The following UBE2H variants were observed in gnomAD, a reference collection of about 807,000 sequenced individuals.
UBE2H encodes the protein ubiquitin conjugating enzyme E2 H.
UBE2H carries 3 observed loss-of-function variants against 29.0 expected under a neutral mutation model. That is an observed-to-expected ratio of 0.10 (90% CI 0.05 to 0.27). The LOEUF is 0.27. Among genes scored for constraint, UBE2H ranks in the 10% least tolerant of loss-of-function variants. The pLI, the probability that UBE2H is intolerant of heterozygous loss-of-function variation, is 1.00. For synonymous variants in UBE2H, 69 were observed against 82.9 expected, an observed-to-expected ratio of 0.83 and a Z score of 0.91; for missense variants, 68 against 228.2, an observed-to-expected ratio of 0.30 and a Z score of 4.52.
intron 5 of UBE2H, among the ~76,000 whole-genome samples, chr7:129,840,801 AAT>A (rs1805414988): frequency 6.6e-6 from 1 of 152,176 alleles, no homozygotes; most frequent in Non-Finnish European, 1.5e-5. Context: ...ACTACTCATT[AAT>A]TTAGTCAGCT....
chr7:129,891,899 G>GTGTA (rs1806498543), intron 1 of UBE2H, among the ~76,000 whole-genome samples: 1 of 149,276 alleles, frequency 6.7e-6, no homozygotes, highest in African/African-American at 2.5e-5. Context: ...GTGTGTGTGT[G>GTGTA]TGTTAGTTTT....
At chr7:129,860,278 C>A (rs1805776204) in intron 3 of UBE2H, among the ~76,000 whole-genome samples, 1 of 152,086 alleles carries the variant, frequency 6.6e-6, no homozygotes, top group African/African-American at 2.4e-5. Context: ...GTTGAAACAG[C>A]ATAATGTTCT....
At chr7:129,856,898 C>T (rs1174246327) in intron 5 of UBE2H, 1 of 152,146 alleles carries the variant, frequency 6.6e-6, no homozygotes, top group African/African-American at 2.4e-5. Context: ...TGTATTTTAA[C>T]ATATTTTCAG....
At chr7:129,897,820 GA>G (rs1481399509) in intron 1 of UBE2H, among the ~76,000 whole-genome samples, 1 of 152,114 alleles carries the variant, frequency 6.6e-6, no homozygotes, top group East Asian at 1.9e-4. Context: ...GTAATCTAAA[GA>G]GATATAGAAA....
At chr7:129,836,547 G>C (rs1355998829) in intron 6 of UBE2H, among the ~76,000 whole-genome samples, 1 of 152,186 alleles carries the variant, frequency 6.6e-6, no homozygotes, top group Non-Finnish European at 1.5e-5. Context: ...GCTTTGTTTT[G>C]TTGAAAGTAA....
At chr7:129,935,552 T>C (rs1479690388) in intron 1 of UBE2H, among the ~76,000 whole-genome samples, 1 of 152,190 alleles carries the variant, frequency 6.6e-6, no homozygotes, top group African/African-American at 2.4e-5. Flanking sequence ...ACTTATTCTA[T>C]TCTTTAAATT....
intron 3 of UBE2H, among the ~76,000 whole-genome samples, chr7:129,875,576 C>T (rs534826567): frequency 2.0e-5 from 3 of 152,228 alleles, no homozygotes; most frequent in East Asian, 3.9e-4. Flanking sequence ...ATCATAATAC[C>T]TTTTCTAACA....
chr7:129,859,009 A>G (rs1805754537), intron 3 of UBE2H, 68 bp from the exon 4 acceptor site: 2 of 1,311,730 alleles, frequency 1.5e-6, no homozygotes, highest in Non-Finnish European at 2.2e-6. Context: ...TCAGTACTGG[A>G]AACAATTTCA....
At chr7:129,922,084 A>G (rs952986683) in intron 1 of UBE2H, among the ~76,000 whole-genome samples, 2 of 150,880 alleles carry the variant, frequency 1.3e-5, no homozygotes, top group South Asian at 4.2e-4. Flanking sequence ...CCTGGGTTGG[A>G]GCAATTCTCC....
intron 3 of UBE2H, among the ~76,000 whole-genome samples, chr7:129,878,455 T>G (rs951487929): frequency 6.6e-6 from 1 of 151,730 alleles, no homozygotes; most frequent in Non-Finnish European, 1.5e-5. Flanking sequence ...AGGCCGAGGC[T>G]GGCGGATCAC....
intron 3 of UBE2H, among the ~76,000 whole-genome samples, chr7:129,872,118 G>A (rs567869292): frequency 3.9e-5 from 6 of 152,254 alleles, no homozygotes; most frequent in East Asian, 1.9e-4. Context: ...GCCTCCCAAC[G>A]TGCTGGTATT....
At chr7:129,944,310 C>G (rs977287497) in intron 1 of UBE2H, among the ~76,000 whole-genome samples, 1 of 151,972 alleles carries the variant, frequency 6.6e-6, no homozygotes, top group East Asian at 1.9e-4. Flanking sequence ...GAGCCGAGAT[C>G]GCGCCACTAC....
At chr7:129,867,405 T>C (rs1476854623) in intron 3 of UBE2H, among the ~76,000 whole-genome samples, 1 of 140,588 alleles carries the variant, frequency 7.1e-6, no homozygotes, top group Non-Finnish European at 1.5e-5. Context: ...TGTAGGGACA[T>C]GGATGAAATT....
Position 129,834,591 on chromosome 7 carries a change from A to AT in UBE2H, c.*345dup, listed in dbSNP as rs1805288329. 6.2e-6 allele frequency: 1 copy of AT among 161,456 alleles called. No individual in the cohort carries two copies. Among genetic ancestry groups the AT allele is most frequent in the South Asian group, 1.9e-4 (1 of 5,236 alleles). 10.0% of individuals were successfully genotyped at this position (161,456 alleles called of 1,614,324 possible). On this transcript the variant is annotated 3_prime_UTR_variant, in exon 7 of 7. Coordinates refer to ENST00000355621, the MANE Select transcript of UBE2H (RefSeq NM_003344.4). The stretch of plus-strand genomic sequence containing the variant: ...TCTTTGGAAACCAATAAAAGAAGCA[A>AT]TTTTTTCCTGTTCTTTTTACTCACA...
At chr7:129,887,927 C>T (rs1022827099) in intron 1 of UBE2H, among the ~76,000 whole-genome samples, 3 of 152,062 alleles carry the variant, frequency 2.0e-5, no homozygotes, top group Admixed American at 6.6e-5. Context: ...AAACCAAAGA[C>T]TTTACATTGA....
chr7:129,949,129 G>A (rs1382444402), intron 1 of UBE2H: 6 of 426,428 alleles, frequency 1.4e-5, no homozygotes, highest in Admixed American at 1.3e-4. Context: ...AGGATCACCA[G>A]GGCTGTGCAA....
At chr7:129,934,985 ATATATATGTGTGTG>A (rs1807495873) in intron 1 of UBE2H, among the ~76,000 whole-genome samples, 1 of 151,000 alleles carries the variant, frequency 6.6e-6, no homozygotes. Flanking sequence ...ATGTGTGTGT[ATATATATGTGTGTG>A]TATATGTGTG....
chr7:129,833,839 A>C lies in UBE2H; in HGVS notation c.*1098T>G, dbSNP rs1805274067. 1 of 152,160 alleles carries C rather than the reference A, an allele frequency of 6.6e-6. No homozygotes were observed. The highest frequency in any genetic ancestry group is 2.1e-4 in the South Asian group (1 of 4,828). 9.4% of individuals were successfully genotyped at this position (152,160 alleles called of 1,614,324 possible). On this transcript the variant is annotated 3_prime_UTR_variant, in exon 7 of 7. Coordinates refer to ENST00000355621, the MANE Select transcript of UBE2H (RefSeq NM_003344.4). ...TGACCAGGCTGCTGCCAAGAGCAGC[A>C]GAAAAAGGGAAAACCAAACCAGAAC...
intron 1 of UBE2H, among the ~76,000 whole-genome samples, chr7:129,950,279 G>A (rs921254997): frequency 3.9e-5 from 6 of 152,120 alleles, no homozygotes. Flanking sequence ...ATTTTAAAGC[G>A]CCTCTGCTTT....
Sources: allele counts gnomAD v4.1 joint callset (sites outside exome capture counted in the v4.1 genomes callset), GRCh38; gene constraint gnomAD v4.1.1; transcripts MANE v1.5; gene names NCBI Gene and HGNC (gene_info 2026-07-23, HGNC 2026-07-21).